Variants in UNC80 observed in about 807,000 individuals in gnomAD.
UNC80 encodes the protein protein unc-80 homolog.
A neutral mutation model predicts 384.6 loss-of-function variants in UNC80; 164 were observed. The observed-to-expected ratio is 0.43, with a 90% CI of 0.38 to 0.49. UNC80 has a LOEUF of 0.49. Ranked by LOEUF, UNC80 falls within the 20% of genes least tolerant of loss-of-function variation. UNC80 has a pLI of 0.00. For missense variants in UNC80, 3,330 were observed against 4,143.0 expected, an observed-to-expected ratio of 0.80 and a Z score of 5.39; for synonymous variants, 1,486 against 1,527.8, an observed-to-expected ratio of 0.97 and a Z score of 0.64.
rs112471348 is a variant in UNC80 at position 209,877,537 on chromosome 2, G to A, written c.3841-417G>A. Among the ~76,000 whole-genome samples, 187 of 152,250 alleles carry A rather than the reference G, an allele frequency of 1.2e-3. 2 individuals carry two copies. Among genetic ancestry groups the A allele is most frequent in the African/African-American group, 4.5e-3 (185 of 41,556 alleles). On this transcript the variant is annotated intron_variant, in intron 23 of 64. Coordinates refer to ENST00000673920, the MANE Select transcript of UNC80 (RefSeq NM_001371986.1). ...CTTCTAAACTCATTAGCATGACAGT[G>A]ACATTCTCATTAAAAATAGCATAAT...
At position 209,949,324 on chromosome 2, in the gene UNC80, A is replaced by T. The variant is rs1334692725; in HGVS notation, c.7286+3381A>T. ...GGATGTCTTGCTTAGCTACTACTTT[A>T]TTAACTACCCACTGGTAAACGTTTT... On this transcript the variant is annotated intron_variant, in intron 47 of 64. Transcript: ENST00000673920. Among the ~76,000 whole-genome samples the T allele has an allele frequency of 2.6e-5, 4 of 152,200 alleles. No homozygotes were observed. The East Asian group carries it at 7.7e-4, about 29-fold the overall frequency.
chr2:209,860,607 G>A lies in UNC80; in HGVS notation c.3627+10984G>A, dbSNP rs534855762. ...AAGAATGTCAATGGTTATTTGATGG[G>A]AATAGCATTGAATCTATAAATTACT... On this transcript the variant is annotated intron_variant, in intron 22 of 64. Coordinates refer to ENST00000673920, the MANE Select transcript of UNC80 (RefSeq NM_001371986.1). Among the ~76,000 whole-genome samples the A allele has an allele frequency of 3.3e-5, 5 of 152,238 alleles. No homozygotes were observed. In the South Asian group the frequency reaches 1.0e-3, roughly 32 times the overall value.
intron 23 of UNC80, among the ~76,000 whole-genome samples, chr2:209,876,049 A>T (rs1324424774): frequency 6.6e-6 from 1 of 152,134 alleles, no homozygotes; most frequent in Non-Finnish European, 1.5e-5. Flanking sequence ...CTCTGAGCTG[A>T]ATTTAATCTA....
chr2:209,988,759 T>C (rs1344839625), intron 61 of UNC80, among the ~76,000 whole-genome samples: 1 of 152,190 alleles, frequency 6.6e-6, no homozygotes, highest in Non-Finnish European at 1.5e-5. Flanking sequence ...AAGATGCTTT[T>C]GGTTTTTGTA....
intron 29 of UNC80, among the ~76,000 whole-genome samples, chr2:209,910,752 G>A (rs1052350609): frequency 6.7e-6 from 1 of 150,318 alleles, no homozygotes; most frequent in South Asian, 2.1e-4. Context: ...AGAATTCCTG[G>A]AGAAAAAATG....
At chr2:209,978,440 C>G in intron 58 of UNC80, 89 bp from the exon 59 acceptor site, 2 of 1,171,720 alleles carry the variant, frequency 1.7e-6, no homozygotes, top group South Asian at 2.1e-5. Context: ...ACTAACCTTT[C>G]CTAAAAAATA....
At chr2:209,918,048 C>A in intron 32 of UNC80, 90 bp downstream of exon 32, 3 of 1,229,298 alleles carry the variant, frequency 2.4e-6, no homozygotes, top group South Asian at 1.5e-5. Flanking sequence ...CAGTATGTGG[C>A]CAAAGATATT....
chr2:209,830,785 G>A (rs1261722172), intron 15 of UNC80, among the ~76,000 whole-genome samples: 3 of 152,136 alleles, frequency 2.0e-5, no homozygotes, highest in East Asian at 1.9e-4. Context: ...TTCCATTCAC[G>A]GGCATTTCAC....
At chr2:209,986,218 A>G (rs2093284683) in intron 61 of UNC80, among the ~76,000 whole-genome samples, 1 of 152,226 alleles carries the variant, frequency 6.6e-6, no homozygotes, top group Non-Finnish European at 1.5e-5. Flanking sequence ...AATGTTTAAA[A>G]TTACATGTGT....
At chr2:209,888,945 A>G (rs2086083191) in intron 26 of UNC80, among the ~76,000 whole-genome samples, 1 of 152,194 alleles carries the variant, frequency 6.6e-6, no homozygotes, top group Non-Finnish European at 1.5e-5. Flanking sequence ...AATTTGGTAA[A>G]TAGAATCTCG....
intron 53 of UNC80, chr2:209,970,205 G>T (rs1408835789): frequency 9.5e-6 from 3 of 315,844 alleles, no homozygotes; most frequent in Non-Finnish European, 1.7e-5. Flanking sequence ...TGCACAATTG[G>T]CTAGAAGTTG....
In UNC80 at chr2:209,936,834, A is replaced by G. The variant is rs75921948; in HGVS notation, c.6274-10A>G. 5 of 1,524,982 alleles carry G rather than the reference A, an allele frequency of 3.3e-6. No homozygotes were observed. The South Asian group carries it at 4.8e-5, about 15-fold the overall frequency. The allele number at this position is 1,524,982 out of a possible 1,614,324, so 94.5% of individuals were successfully genotyped here. A position where few individuals can be genotyped will look rare whatever the true frequency, so the allele number is the denominator to read the frequency against. On this transcript the variant is annotated splice_polypyrimidine_tract_variant and intron_variant, in intron 40 of 64. Coordinates refer to ENST00000673920, the MANE Select transcript of UNC80 (RefSeq NM_001371986.1). ...TAAACATTTATTAAAATTTGTTGCT[A>G]TTGTTCTAGGAGTGTCTGGAGTTTT...
In UNC80 at chr2:209,954,244, T is replaced by C; in HGVS notation, c.7431T>C (p.Leu2477=). Residue 2477 remains leucine, a synonymous_variant, in exon 48 of 65, where the codon CTT becomes CTC. Coordinates refer to ENST00000673920, the MANE Select transcript of UNC80 (RefSeq NM_001371986.1). The stretch of plus-strand genomic sequence containing the variant: ...CTCTTGCGACGTCCCTACAGGCCCT[T>C]TTGTACAGTGTAGAGGTCCTCACCA... ...TAALATSLQA[L]LYSVEVLTRP... 1 of 1,550,868 alleles carries C rather than the reference T, an allele frequency of 6.4e-7. No homozygotes were observed. Among genetic ancestry groups the C allele is most frequent in the Non-Finnish European group, 8.7e-7 (1 of 1,146,806 alleles).
chr2:209,983,836 GA>G (rs1240392864), intron 60 of UNC80, among the ~76,000 whole-genome samples: 2 of 151,954 alleles, frequency 1.3e-5, no homozygotes, highest in Non-Finnish European at 2.9e-5. Flanking sequence ...TAGAAATCAA[GA>G]AAAAATAATA....
chr2:209,771,857 C>A lies in UNC80; in HGVS notation c.-216C>A, dbSNP rs1240429505. The stretch of plus-strand genomic sequence containing the variant: ...GCTCCGAGCGCCCCCCTCCTCGCTC[C>A]GCGGCTCCTCCAGCCCTCCCCTCCT... On this transcript the variant is annotated 5_prime_UTR_variant, in exon 1 of 65. Coordinates refer to ENST00000673920, the MANE Select transcript of UNC80 (RefSeq NM_001371986.1). 1.8e-6 allele frequency: 1 copy of A among 549,960 alleles called. No individual in the cohort carries two copies. The highest frequency in any genetic ancestry group is 3.4e-5 in the East Asian group (1 of 29,004). 34.1% of individuals were successfully genotyped at this position (549,960 alleles called of 1,614,324 possible). A position where few individuals can be genotyped will look rare whatever the true frequency, so the allele number is the denominator to read the frequency against.
intron 39 of UNC80, 34 bp downstream of exon 39, chr2:209,934,039 TAAAAAAAA>T: frequency 6.8e-7 from 1 of 1,471,896 alleles, no homozygotes; most frequent in Non-Finnish European, 9.0e-7. Flanking sequence ...AACATAACTT[TAAAAAAAA>T]ATTATAAATA....
intron 21 of UNC80, among the ~76,000 whole-genome samples, chr2:209,847,268 T>A (rs970219740): frequency 4.6e-5 from 7 of 152,002 alleles, no homozygotes; most frequent in African/African-American, 1.7e-4. Context: ...TTTAAAAACT[T>A]ATCTTATAGG....
Position 209,966,426 on chromosome 2 carries a change from A to G in UNC80, c.7806-1011A>G, listed in dbSNP as rs1011339653. On this transcript the variant is annotated intron_variant, in intron 51 of 64. Coordinates refer to ENST00000673920, the MANE Select transcript of UNC80 (RefSeq NM_001371986.1). Reference sequence around the variant, plus strand: ...TGTACACATTCTGCATCTACTCGGTATATTTTATCAGGAGCCACTGTAAAA... The same window carrying G: ...TGTACACATTCTGCATCTACTCGGTGTATTTTATCAGGAGCCACTGTAAAA... Among the ~76,000 whole-genome samples the G allele has an allele frequency of 2.0e-5, 3 of 152,236 alleles. No individual in the cohort carries two copies. In the East Asian group the frequency reaches 5.8e-4, roughly 29 times the overall value.
Position 209,921,482 on chromosome 2 carries a change from G to A in UNC80, c.5344-18G>A. On this transcript the variant is annotated intron_variant, in intron 33 of 64. Coordinates refer to ENST00000673920, the MANE Select transcript of UNC80 (RefSeq NM_001371986.1). ...AGAAGAATTGCTATTAAATGAACTTGCCTTTATGTCTCCACAGAAATCCTT... is the reference window on the plus strand; with the variant it reads ...AGAAGAATTGCTATTAAATGAACTTACCTTTATGTCTCCACAGAAATCCTT... The A allele has an allele frequency of 6.5e-7, 1 of 1,537,920 alleles. No homozygotes were observed. Among genetic ancestry groups the A allele is most frequent in the Non-Finnish European group, 8.8e-7 (1 of 1,141,572 alleles).
Sources: gnomAD v4.1 joint callset for allele counts (sites outside exome capture counted in the v4.1 genomes callset) on GRCh38, gnomAD v4.1.1 for gene constraint, MANE v1.5 for transcripts, NCBI Gene and HGNC (gene_info 2026-07-23, HGNC 2026-07-21) for gene names.